The following EIF4G3 variants were observed in gnomAD, a reference collection of about 807,000 sequenced individuals.
EIF4G3 encodes the protein eIF-4-gamma 3.
A neutral mutation model predicts 186.4 loss-of-function variants in EIF4G3; 34 were observed. That is an observed-to-expected ratio of 0.18 (90% CI 0.14 to 0.24). The LOEUF (loss-of-function observed/expected upper bound fraction) is 0.24. Ranked by LOEUF, EIF4G3 falls within the 10% of genes least tolerant of loss-of-function variation. The probability of loss-of-function intolerance (pLI) is 1.00; values close to 1 mark genes in which losing one functional copy is unlikely to be tolerated. For missense variants in EIF4G3, 1,536 were observed against 1,948.5 expected (o/e 0.79, Z 3.99); for synonymous variants, 673 against 679.5 (o/e 0.99, Z 0.15).
At chr1:21,067,734 G>C (rs192284946) in intron 3 of EIF4G3, among the ~76,000 whole-genome samples, 1 of 152,060 alleles carries the variant, frequency 6.6e-6, no homozygotes, top group Non-Finnish European at 1.5e-5. Flanking sequence ...CTAGGAATCA[G>C]GTTCAAAGTG....
chr1:21,006,359 A>G (rs908895085), intron 4 of EIF4G3, among the ~76,000 whole-genome samples: 1 of 152,206 alleles, frequency 6.6e-6, no homozygotes, highest in Non-Finnish European at 1.5e-5. Context: ...GATCATTTCA[A>G]TAATAATCAG....
At chr1:20,835,815 C>G (rs1187133962) in intron 30 of EIF4G3, among the ~76,000 whole-genome samples, 3 of 151,902 alleles carry the variant, frequency 2.0e-5, no homozygotes, top group African/African-American at 7.3e-5. Flanking sequence ...CATGCACCTA[C>G]TGTCCCAGCT....
intron 20 of EIF4G3, among the ~76,000 whole-genome samples, chr1:20,872,414 C>T (rs903175410): frequency 1.3e-5 from 2 of 152,178 alleles, no homozygotes; most frequent in African/African-American, 4.8e-5. Context: ...TGAGCCACCA[C>T]AGCTGGCCAC....
Position 21,007,028 on chromosome 1 carries a change from A to T in EIF4G3, c.-66-4220T>A, listed in dbSNP as rs545202608. On this transcript the variant is annotated intron_variant, in intron 4 of 36. Coordinates refer to ENST00000602326, the MANE Select transcript of EIF4G3 (RefSeq NM_001391906.1). ...ACCTAAACTAAATTCAGCCATAAAG[A>T]TTAAACTCAATATTGTACACACTGT... is the stretch of plus-strand genomic sequence containing the variant. 5.9e-5 allele frequency among the ~76,000 whole-genome samples: 9 copies of T among 152,342 alleles called. No individual in the cohort carries two copies. The South Asian group carries it at 1.9e-3, about 32-fold the overall frequency.
chr1:20,972,882 A>C, intron 11 of EIF4G3, 120 bp downstream of exon 11: 1 of 771,628 alleles, frequency 1.3e-6, no homozygotes, highest in Non-Finnish European at 2.0e-6. Context: ...ATAAGGGAAG[A>C]ATAAAAAAAA....
chr1:21,168,121 T>C (rs1197594419), intron 2 of EIF4G3: 4 of 458,786 alleles, frequency 8.7e-6, no homozygotes, highest in Admixed American at 7.4e-5. Flanking sequence ...AAGTATCTCT[T>C]GGCTGGGTGT....
intron 20 of EIF4G3, among the ~76,000 whole-genome samples, chr1:20,869,797 A>AG (rs2078669208): frequency 2.0e-5 from 3 of 147,334 alleles, no homozygotes; most frequent in Non-Finnish European, 3.0e-5. Flanking sequence ...AAAAAAAAAA[A>AG]GTGAAGTAAA....
chr1:21,116,411 C>G (rs1334250992), intron 2 of EIF4G3, among the ~76,000 whole-genome samples: 2 of 152,028 alleles, frequency 1.3e-5, no homozygotes, highest in Non-Finnish European at 2.9e-5. Context: ...ATCAAGGGTA[C>G]TCACTAGGTT....
intron 2 of EIF4G3, among the ~76,000 whole-genome samples, chr1:21,115,780 G>T (rs957835687): frequency 6.6e-6 from 1 of 152,084 alleles, no homozygotes; most frequent in Non-Finnish European, 1.5e-5. Flanking sequence ...GCAATGGCAC[G>T]ATCACAGCTT....
intron 2 of EIF4G3, among the ~76,000 whole-genome samples, chr1:21,136,150 T>C (rs576168641): frequency 6.6e-6 from 1 of 150,822 alleles, no homozygotes; most frequent in East Asian, 2.0e-4. Flanking sequence ...GCTACTGCAG[T>C]CCGCAGTCCG....
At chr1:21,091,321 G>A (rs1239556089) in intron 2 of EIF4G3, among the ~76,000 whole-genome samples, 3 of 151,808 alleles carry the variant, frequency 2.0e-5, no homozygotes, top group Non-Finnish European at 4.4e-5. Flanking sequence ...TACCACAGCC[G>A]GCTAATTTTT....
chr1:20,807,313 G>T lies in EIF4G3; in HGVS notation c.*6C>A. 1.9e-6 allele frequency: 3 copies of T among 1,558,644 alleles called. No individual in the cohort carries two copies. Among genetic ancestry groups the T allele is most frequent in the Non-Finnish European group, 2.6e-6 (3 of 1,149,106 alleles). Reference sequence around the variant, plus strand: ...TTCTTTTGTTTCATTTTGTGTATTTGAAGTTTTAGTTATCCTCAGACTCCT... The same window carrying T: ...TTCTTTTGTTTCATTTTGTGTATTTTAAGTTTTAGTTATCCTCAGACTCCT... On this transcript the variant is annotated 3_prime_UTR_variant, in exon 37 of 37. Transcript: ENST00000602326.
Position 21,143,685 on chromosome 1 carries a change from G to A in EIF4G3, c.-272+32490C>T, listed in dbSNP as rs771747564. ...TTTTATTTATACACTTTGGGAGGCCGAGGTGGGCAAATCACTTGAGGCCAG... is the reference window on the plus strand; with the variant it reads ...TTTTATTTATACACTTTGGGAGGCCAAGGTGGGCAAATCACTTGAGGCCAG... On this transcript the variant is annotated intron_variant, in intron 2 of 36. Coordinates refer to ENST00000602326, the MANE Select transcript of EIF4G3 (RefSeq NM_001391906.1). 1.2e-4 allele frequency among the ~76,000 whole-genome samples: 18 copies of A among 152,208 alleles called. No homozygotes were observed. In the South Asian group the frequency reaches 2.9e-3, roughly 25 times the overall value.
In EIF4G3 at chr1:20,997,738, C is replaced by T. The variant is rs535687942; in HGVS notation, c.145-105G>A. 4.8e-6 allele frequency: 4 copies of T among 834,276 alleles called. No individual in the cohort carries two copies. In the South Asian group the frequency reaches 7.6e-5, roughly 16 times the overall value. The allele number at this position is 834,276 out of a possible 1,614,324, so 51.7% of individuals were successfully genotyped here. On this transcript the variant is annotated intron_variant, in intron 6 of 36. Coordinates refer to ENST00000602326, the MANE Select transcript of EIF4G3 (RefSeq NM_001391906.1). ...ACAATATGCCAAAAGAAAAAAAACC[C>T]ACAGTGGGGAAATAAAAAACAACAC...
intron 15 of EIF4G3, 85 bp downstream of exon 15, chr1:20,904,798 A>G: frequency 2.2e-6 from 2 of 915,448 alleles, no homozygotes; most frequent in Middle Eastern, 2.3e-4. Context: ...TGCTTGGAAA[A>G]CTATTTCAAT....
At chr1:20,985,775 C>T (rs941992645) in intron 7 of EIF4G3, among the ~76,000 whole-genome samples, 21 of 152,132 alleles carry the variant, frequency 1.4e-4, no homozygotes, top group Non-Finnish European at 1.5e-5. Flanking sequence ...GCCATTTAGT[C>T]TCACCATCCA....
intron 14 of EIF4G3, among the ~76,000 whole-genome samples, chr1:20,921,684 C>G (rs1166044142): frequency 1.3e-5 from 2 of 152,170 alleles, no homozygotes; most frequent in East Asian, 3.8e-4. Flanking sequence ...TCTGATATTG[C>G]CAGGTGAGGA....
chr1:21,049,808 T>C (rs2094110588), intron 4 of EIF4G3, among the ~76,000 whole-genome samples: 1 of 152,088 alleles, frequency 6.6e-6, no homozygotes, highest in African/African-American at 2.4e-5. Context: ...AGAAGATCAC[T>C]TGAGCCCAGG....
chr1:20,825,289 C>T (rs922930002), intron 32 of EIF4G3, 91 bp from the exon 33 acceptor site: 7 of 950,858 alleles, frequency 7.4e-6, no homozygotes, highest in African/African-American at 3.6e-5. Context: ...TGAAGTCAAA[C>T]AGTGCAAACC....
Sources: gnomAD v4.1 joint callset for allele counts (sites outside exome capture counted in the v4.1 genomes callset) on GRCh38, gnomAD v4.1.1 for gene constraint, MANE v1.5 for transcripts, NCBI Gene and HGNC (gene_info 2026-07-23, HGNC 2026-07-21) for gene names.